The following ZDHHC3 variants were observed in gnomAD, a reference collection of about 807,000 sequenced individuals.
ZDHHC3 encodes the protein palmitoyltransferase ZDHHC3.
A neutral mutation model predicts 30.6 loss-of-function variants in ZDHHC3; 9 were observed. That is an observed-to-expected ratio of 0.29 (90% CI 0.18 to 0.51). ZDHHC3 has a LOEUF of 0.51. ZDHHC3 is among the 20% of genes least tolerant of loss of function. The pLI, the probability that ZDHHC3 is intolerant of heterozygous loss-of-function variation, is 0.97. For missense variants in ZDHHC3, 246 were observed against 384.2 expected, an observed-to-expected ratio of 0.64 and a Z score of 3.01; for synonymous variants, 136 against 140.2, an observed-to-expected ratio of 0.97 and a Z score of 0.21.
intron 2 of ZDHHC3, chr3:44,958,444 C>A (rs993897122): frequency 5.3e-6 from 4 of 757,818 alleles, no homozygotes; most frequent in African/African-American, 3.5e-5. Context: ...ATAATGTATT[C>A]TCTTGCTTTT....
intron 2 of ZDHHC3, among the ~76,000 whole-genome samples, chr3:44,958,144 G>A (rs1400958851): frequency 1.3e-5 from 2 of 152,188 alleles, no homozygotes; most frequent in Non-Finnish European, 2.9e-5. Flanking sequence ...CCTGAGGCAT[G>A]CGCAGGAACA....
intron 3 of ZDHHC3, among the ~76,000 whole-genome samples, chr3:44,941,687 G>C (rs959794568): frequency 6.6e-6 from 1 of 151,392 alleles, no homozygotes; most frequent in African/African-American, 2.4e-5. Context: ...TCTTCTCTGG[G>C]CCACACTGGT....
intron 1 of ZDHHC3, among the ~76,000 whole-genome samples, chr3:44,971,448 T>C (rs1705394685): frequency 6.6e-6 from 1 of 152,232 alleles, no homozygotes. Context: ...GGAAATCTGC[T>C]TCCGAGGAGG....
Position 44,922,768 on chromosome 3 carries a change from C to G in ZDHHC3, c.*3921G>C. ...TGGTTCGGTAGCCTGGGGTGGGGAC[C>G]GAGAATGTGCATTTCTAACAAGTTC... On this transcript the variant is annotated 3_prime_UTR_variant, in exon 7 of 7. Transcript: ENST00000424952. 1.0e-6 allele frequency: 1 copy of G among 984,822 alleles called. No individual in the cohort carries two copies. Among genetic ancestry groups the G allele is most frequent in the Non-Finnish European group, 1.2e-6 (1 of 829,440 alleles). The allele number at this position is 984,822 out of a possible 1,614,324, so 61.0% of individuals were successfully genotyped here.
chr3:44,941,278 T>A (rs1348193347), intron 3 of ZDHHC3, among the ~76,000 whole-genome samples: 1 of 152,104 alleles, frequency 6.6e-6, no homozygotes, highest in African/African-American at 2.4e-5. Flanking sequence ...AAGACATCTA[T>A]ACCACATCCT....
intron 5 of ZDHHC3, 134 bp from the exon 6 acceptor site, chr3:44,929,570 C>T: frequency 8.2e-7 from 1 of 1,222,064 alleles, no homozygotes; most frequent in Non-Finnish European, 1.1e-6. Flanking sequence ...AGGTCTCTGG[C>T]CTCCAGGCTA....
chr3:44,931,787 C>T (rs1309354877), intron 5 of ZDHHC3, among the ~76,000 whole-genome samples: 1 of 152,152 alleles, frequency 6.6e-6, no homozygotes, highest in African/African-American at 2.4e-5. Context: ...AACTACAGAC[C>T]CTCTTGTTAG....
chr3:44,951,859 C>A (rs914763432), intron 2 of ZDHHC3, among the ~76,000 whole-genome samples: 1 of 152,164 alleles, frequency 6.6e-6, no homozygotes, highest in Non-Finnish European at 1.5e-5. Flanking sequence ...CCTCACTGTC[C>A]TTCTCCCTGT....
chr3:44,929,559 T>G, intron 5 of ZDHHC3, 123 bp from the exon 6 acceptor site: 4 of 1,330,906 alleles, frequency 3.0e-6, no homozygotes, highest in South Asian at 1.4e-5. Context: ...CTGGGTGCCA[T>G]AGGTCTCTGG....
chr3:44,969,040 G>C (rs1705190497), intron 1 of ZDHHC3, among the ~76,000 whole-genome samples: 1 of 152,218 alleles, frequency 6.6e-6, no homozygotes, highest in Admixed American at 6.5e-5. Flanking sequence ...CTTGCAGGAA[G>C]TTTGTAAGCC....
intron 3 of ZDHHC3, among the ~76,000 whole-genome samples, chr3:44,943,390 GGAA>G (rs1260201396): frequency 6.6e-6 from 1 of 152,152 alleles, no homozygotes; most frequent in Non-Finnish European, 1.5e-5. Context: ...GGGGTGAGTA[GGAA>G]GATGAAAATA....
chr3:44,922,667 C>A lies in ZDHHC3; in HGVS notation c.*4022G>T, dbSNP rs1410549247. The A allele has an allele frequency of 1.6e-5, 16 of 985,292 alleles. No individual in the cohort carries two copies. Among genetic ancestry groups the A allele is most frequent in the Non-Finnish European group, 1.9e-5 (16 of 829,930 alleles). 61.0% of individuals were successfully genotyped at this position (985,292 alleles called of 1,614,324 possible). A position where few individuals can be genotyped will look rare whatever the true frequency, so the allele number is the denominator to read the frequency against. ...GAGGGGGGACTCCTGCTAGCCCCAA[C>A]TGGATTCTCAAACTTGATAGTCAGA... On this transcript the variant is annotated 3_prime_UTR_variant, in exon 7 of 7. Transcript: ENST00000424952.
Position 44,920,360 on chromosome 3 carries a change from T to C in ZDHHC3, c.*6329A>G. 7.8e-7 allele frequency: 1 copy of C among 1,289,530 alleles called. No homozygotes were observed. 79.9% of individuals were successfully genotyped at this position (1,289,530 alleles called of 1,614,324 possible). On this transcript the variant is annotated 3_prime_UTR_variant, in exon 7 of 7. Transcript: ENST00000424952. The stretch of plus-strand genomic sequence containing the variant: ...AGCCTGTTGAGAAAGAGGCTTTAAC[T>C]TCATAGCACGAGAGCTGGGACATCA...
At chr3:44,968,556 C>G (rs1429257721) in intron 1 of ZDHHC3, among the ~76,000 whole-genome samples, 1 of 152,086 alleles carries the variant, frequency 6.6e-6, no homozygotes, top group Non-Finnish European at 1.5e-5. Context: ...ATTAGCCGAG[C>G]ATGGTAGTGT....
At chr3:44,940,672 C>G (rs1009646346) in intron 3 of ZDHHC3, among the ~76,000 whole-genome samples, 5 of 152,204 alleles carry the variant, frequency 3.3e-5, no homozygotes, top group African/African-American at 1.2e-4. Context: ...TAGAAGAAGG[C>G]AGATGCTTCC....
At chr3:44,942,191 G>A (rs577634437) in intron 3 of ZDHHC3, among the ~76,000 whole-genome samples, 19 of 152,386 alleles carry the variant, frequency 1.2e-4, no homozygotes, top group South Asian at 4.1e-4. Context: ...CTTTGCCTGA[G>A]CGGGCAAGGT....
Position 44,916,331 on chromosome 3 carries a change from G to A in ZDHHC3, c.*10358C>T, listed in dbSNP as rs1309685278. 2.6e-5 allele frequency: 4 copies of A among 152,230 alleles called. No homozygotes were observed. The highest frequency in any genetic ancestry group is 9.7e-5 in the African/African-American group (4 of 41,440). The allele number at this position is 152,230 out of a possible 1,614,324, so 9.4% of individuals were successfully genotyped here. A position where few individuals can be genotyped will look rare whatever the true frequency, so the allele number is the denominator to read the frequency against. ...GCAGGATCGTTGCCCTTCACAGAGT[G>A]TCCAAAGATGCTGTCCAAGAACCAG... On this transcript the variant is annotated 3_prime_UTR_variant, in exon 7 of 7. Transcript: ENST00000424952.
At chr3:44,958,068 G>A (rs1704109444) in intron 2 of ZDHHC3, among the ~76,000 whole-genome samples, 1 of 152,194 alleles carries the variant, frequency 6.6e-6, no homozygotes. Flanking sequence ...CTCAGGCGAT[G>A]GCTGTCCCGC....
chr3:44,922,389 A>G lies in ZDHHC3; in HGVS notation c.*4300T>C, dbSNP rs981057936. 2 of 985,274 alleles carry G rather than the reference A, an allele frequency of 2.0e-6. No homozygotes were observed. The highest frequency in any genetic ancestry group is 3.5e-5 in the African/African-American group (2 of 57,218). The allele number at this position is 985,274 out of a possible 1,614,324, so 61.0% of individuals were successfully genotyped here. ...TTCACCCAAAGGGCCCTTGGTCTAG[A>G]GATGGGTTCCACTGATGAGATGCAC... On this transcript the variant is annotated 3_prime_UTR_variant, in exon 7 of 7. Transcript: ENST00000424952.
Sources: allele counts gnomAD v4.1 joint callset (sites outside exome capture counted in the v4.1 genomes callset), GRCh38; gene constraint gnomAD v4.1.1; transcripts MANE v1.5; gene names NCBI Gene and HGNC (gene_info 2026-07-23, HGNC 2026-07-21).